Variants in RNF38 observed in about 807,000 individuals in gnomAD.
RNF38 encodes the protein ring finger protein 38, also known as E3 ubiquitin-protein ligase RNF38.
In RNF38, 15 loss-of-function variants were observed where a neutral mutation model predicts 67.2. That is an observed-to-expected ratio of 0.22 (90% CI 0.15 to 0.34). RNF38 has a LOEUF of 0.34. Among genes scored for constraint, RNF38 ranks in the 10% least tolerant of loss-of-function variants. The pLI, the probability that RNF38 is intolerant of heterozygous loss-of-function variation, is 1.00. For missense variants in RNF38, 524 were observed against 639.9 expected (o/e 0.82, Z 1.95); for synonymous variants, 220 against 218.8 (o/e 1.01, Z -0.05).
chr9:36,481,267 G>A (rs1001553860), intron 1 of RNF38, among the ~76,000 whole-genome samples: 1 of 151,982 alleles, frequency 6.6e-6, no homozygotes, highest in Non-Finnish European at 1.5e-5. Context: ...CACCCGCCTC[G>A]ACCTCCCAAA....
In RNF38 at chr9:36,339,722, C is replaced by T; in HGVS notation, c.*30G>A. On this transcript the variant is annotated 3_prime_UTR_variant, in exon 12 of 12. Transcript: ENST00000259605. Reference sequence around the variant, plus strand: ...CCGTATATACATGTGATGAGGAACACCCAAACTAAATTTGTGCTTCTTAGG... The same window carrying T: ...CCGTATATACATGTGATGAGGAACATCCAAACTAAATTTGTGCTTCTTAGG... The T allele has an allele frequency of 5.7e-6, 9 of 1,584,340 alleles. No homozygotes were observed. Among genetic ancestry groups the T allele is most frequent in the Non-Finnish European group, 7.8e-6 (9 of 1,155,436 alleles).
At chr9:36,367,703 C>G (rs928045278) in intron 4 of RNF38, among the ~76,000 whole-genome samples, 5 of 152,152 alleles carry the variant, frequency 3.3e-5, no homozygotes, top group African/African-American at 1.2e-4. Flanking sequence ...GGAAACTAGT[C>G]AACAGCTTTC....
chr9:36,372,376 T>C (rs936511767), intron 3 of RNF38: 2 of 569,170 alleles, frequency 3.5e-6, no homozygotes. Context: ...TTTCTTGAAG[T>C]TTATTGTTAA....
chr9:36,434,429 G>C (rs1257057789), intron 1 of RNF38, among the ~76,000 whole-genome samples: 1 of 152,066 alleles, frequency 6.6e-6, no homozygotes, highest in African/African-American at 2.4e-5. Flanking sequence ...TTGTTGCCCA[G>C]GCTGGAGTGC....
At chr9:36,455,045 A>G (rs1382560130) in intron 1 of RNF38, among the ~76,000 whole-genome samples, 1 of 152,168 alleles carries the variant, frequency 6.6e-6, no homozygotes, top group Non-Finnish European at 1.5e-5. Context: ...TTAAGAACAT[A>G]AACTGCAAAT....
At chr9:36,389,616 G>T (rs1836915482) in intron 2 of RNF38, among the ~76,000 whole-genome samples, 1 of 152,106 alleles carries the variant, frequency 6.6e-6, no homozygotes, top group Non-Finnish European at 1.5e-5. Flanking sequence ...TTCCAAGAAG[G>T]AATACCAGAC....
intron 1 of RNF38, among the ~76,000 whole-genome samples, chr9:36,449,621 G>C (rs771792039): frequency 1.1e-4 from 16 of 152,252 alleles, no homozygotes; most frequent in East Asian, 1.9e-4. Flanking sequence ...ATTTTTAATA[G>C]AGACGGGGTT....
At chr9:36,455,549 G>A (rs940071016) in intron 1 of RNF38, among the ~76,000 whole-genome samples, 9 of 152,020 alleles carry the variant, frequency 5.9e-5, no homozygotes, top group South Asian at 2.1e-4. Context: ...TTGGGAGGCC[G>A]AGGCGGGTGG....
chr9:36,400,399 G>A (rs1015569224), upstream of RNF38: 15 of 1,144,968 alleles, frequency 1.3e-5, no homozygotes, highest in Admixed American at 4.6e-5. Flanking sequence ...GGCTCCGCGA[G>A]CTGAGACCGC....
At chr9:36,352,364 A>G (rs1356738057) in intron 8 of RNF38, among the ~76,000 whole-genome samples, 1 of 152,134 alleles carries the variant, frequency 6.6e-6, no homozygotes, top group South Asian at 2.1e-4. Context: ...GACCAACTTA[A>G]TCCAAATAGA....
At chr9:36,473,715 G>A (rs943636041) in intron 1 of RNF38, among the ~76,000 whole-genome samples, 12 of 152,020 alleles carry the variant, frequency 7.9e-5, no homozygotes, top group Admixed American at 3.9e-4. Flanking sequence ...GTCCAGGCGC[G>A]GTGGCTCACA....
At chr9:36,405,780 C>G (rs1838163292), upstream of RNF38, among the ~76,000 whole-genome samples, 1 of 152,168 alleles carries the variant, frequency 6.6e-6, no homozygotes, top group Non-Finnish European at 1.5e-5. Context: ...CTATCTGCTT[C>G]TAGAAAACCA....
chr9:36,383,624 A>T (rs891316816), intron 2 of RNF38, among the ~76,000 whole-genome samples: 2 of 152,220 alleles, frequency 1.3e-5, no homozygotes, highest in African/African-American at 2.4e-5. Flanking sequence ...TACTCCTCAG[A>T]TCACAATTTT....
At chr9:36,450,011 T>C (rs190938978) in intron 1 of RNF38, among the ~76,000 whole-genome samples, 1 of 152,366 alleles carries the variant, frequency 6.6e-6, no homozygotes, top group East Asian at 1.9e-4. Flanking sequence ...AATTCCCTCA[T>C]GTATTTATAT....
chr9:36,450,462 A>G (rs889902302), intron 1 of RNF38, among the ~76,000 whole-genome samples: 2 of 152,210 alleles, frequency 1.3e-5, no homozygotes, highest in African/African-American at 2.4e-5. Flanking sequence ...ATAAATTTCT[A>G]CATGTTTTAA....
intron 4 of RNF38, 135 bp from the exon 5 acceptor site, chr9:36,358,077 G>A (rs936076433): frequency 2.4e-5 from 16 of 656,590 alleles, no homozygotes; most frequent in Non-Finnish European, 1.3e-5. Flanking sequence ...CAATAGTTTC[G>A]ACCAGAATAT....
chr9:36,405,784 A>G (rs1001478087), upstream of RNF38, among the ~76,000 whole-genome samples: 10 of 152,220 alleles, frequency 6.6e-5, no homozygotes, highest in Admixed American at 1.3e-4. Flanking sequence ...CTGCTTCTAG[A>G]AAACCATTTC....
chr9:36,361,498 A>C (rs1834533964), intron 4 of RNF38, among the ~76,000 whole-genome samples: 1 of 152,144 alleles, frequency 6.6e-6, no homozygotes, highest in Non-Finnish European at 1.5e-5. Flanking sequence ...TACTAAGAAA[A>C]ATACTTCTGT....
intron 11 of RNF38, among the ~76,000 whole-genome samples, chr9:36,340,780 A>C (rs909924602): frequency 1.2e-4 from 19 of 152,150 alleles, no homozygotes; most frequent in African/African-American, 4.6e-4. Context: ...CTACTTACTC[A>C]CCTGTTCCCT....
Sources: allele counts gnomAD v4.1 joint callset (sites outside exome capture counted in the v4.1 genomes callset), GRCh38; gene constraint gnomAD v4.1.1; transcripts MANE v1.5; gene names NCBI Gene and HGNC (gene_info 2026-07-23, HGNC 2026-07-21).